Variants in HDAC4 observed in about 807,000 individuals in gnomAD.
HDAC4 encodes histone deacetylase 4.
In HDAC4, 16 loss-of-function variants were observed where a neutral mutation model predicts 135.1. That is an observed-to-expected ratio of 0.12 (90% CI 0.08 to 0.18). The LOEUF (loss-of-function observed/expected upper bound fraction) is 0.18. Ranked by LOEUF, HDAC4 falls within the 10% of genes least tolerant of loss-of-function variation. The pLI is 1.00. For synonymous variants in HDAC4, 685 were observed against 653.4 expected, an observed-to-expected ratio of 1.05 and a Z score of -0.74; for missense variants, 1,143 against 1,511.8, an observed-to-expected ratio of 0.76 and a Z score of 4.05.
At chr2:239,079,743 T>C (rs986337838) in intron 22 of HDAC4, among the ~76,000 whole-genome samples, 2 of 151,940 alleles carry the variant, frequency 1.3e-5, no homozygotes, top group Non-Finnish European at 2.9e-5. Context: ...CATATACAGA[T>C]GTGCACACAC....
chr2:239,381,674 G>C (rs1002650522), intron 1 of HDAC4, among the ~76,000 whole-genome samples: 1 of 152,166 alleles, frequency 6.6e-6, no homozygotes, highest in Non-Finnish European at 1.5e-5. Flanking sequence ...AATGACAAGA[G>C]AGCTTCTCAC....
chr2:239,097,325 C>T (rs999429823), intron 16 of HDAC4, among the ~76,000 whole-genome samples: 4 of 152,216 alleles, frequency 2.6e-5, no homozygotes, highest in Non-Finnish European at 5.9e-5. Flanking sequence ...CTGGCCCTCA[C>T]GCCCACTGAG....
chr2:239,193,956 T>G (rs1358289375), intron 3 of HDAC4, among the ~76,000 whole-genome samples: 5 of 152,194 alleles, frequency 3.3e-5, no homozygotes, highest in Non-Finnish European at 7.3e-5. Flanking sequence ...GAGGCAAAAT[T>G]CAGTGTACTG....
intron 4 of HDAC4, among the ~76,000 whole-genome samples, chr2:239,180,892 C>T (rs950314430): frequency 6.6e-6 from 1 of 152,246 alleles, no homozygotes; most frequent in African/African-American, 2.4e-5. Context: ...TGGTCTTTCC[C>T]GGCCCACCTG....
At position 239,395,393 on chromosome 2, in the gene HDAC4, G is replaced by A. The variant is rs144920506; in HGVS notation, c.-220+5585C>T. ...CTGTAGCAGAGCCCGCTCAGACCCC[G>A]AGGGTCAGTCCCCACCTTGAAGAGC... On this transcript the variant is annotated intron_variant, in intron 1 of 26. Transcript: ENST00000543185. Among the ~76,000 whole-genome samples the A allele has an allele frequency of 4.1e-3, 625 of 152,320 alleles. 5 individuals carry two copies. The highest frequency in any genetic ancestry group is 0.014 in the African/African-American group (563 of 41,566).
chr2:239,236,841 T>C (rs2047916326), intron 2 of HDAC4, among the ~76,000 whole-genome samples, 177 bp from the exon 3 acceptor site: 1 of 87,752 alleles, frequency 1.1e-5, no homozygotes, highest in Non-Finnish European at 2.1e-5. Context: ...CAATGTAGAA[T>C]AATCAAAATA....
chr2:239,159,059 AT>A (rs1227723442), intron 6 of HDAC4, among the ~76,000 whole-genome samples: 2 of 146,684 alleles, frequency 1.4e-5, no homozygotes, highest in African/African-American at 5.1e-5. Context: ...CCATACCTAT[AT>A]CTGCATCTCA....
At chr2:239,385,238 C>A (rs755978909) in intron 1 of HDAC4, among the ~76,000 whole-genome samples, 27 of 152,360 alleles carry the variant, frequency 1.8e-4, no homozygotes, top group Admixed American at 1.1e-3. Flanking sequence ...CAGGAAGAAG[C>A]CTTGCCCTCA....
At chr2:239,221,285 G>C (rs886322613) in intron 3 of HDAC4, among the ~76,000 whole-genome samples, 5 of 152,086 alleles carry the variant, frequency 3.3e-5, no homozygotes, top group African/African-American at 1.2e-4. Context: ...GCACAGGAGC[G>C]GGGGACACCA....
At chr2:239,243,799 C>A (rs556702874) in intron 2 of HDAC4, among the ~76,000 whole-genome samples, 1 of 152,220 alleles carries the variant, frequency 6.6e-6, no homozygotes, top group Non-Finnish European at 1.5e-5. Flanking sequence ...CTGTACTCTG[C>A]ACCCTCCATG....
chr2:239,152,201 T>C (rs542377963), intron 7 of HDAC4, among the ~76,000 whole-genome samples: 9 of 152,252 alleles, frequency 5.9e-5, no homozygotes, highest in Non-Finnish European at 1.3e-4. Context: ...AGCGTGAACA[T>C]GGACTCAAAG....
At chr2:239,397,969 C>G (rs1021217467) in intron 1 of HDAC4, among the ~76,000 whole-genome samples, 1 of 152,206 alleles carries the variant, frequency 6.6e-6, no homozygotes. Flanking sequence ...GACTCCTTAC[C>G]CCAGGACAGA....
intron 2 of HDAC4, among the ~76,000 whole-genome samples, chr2:239,264,123 G>T (rs1455473603): frequency 1.3e-5 from 2 of 152,208 alleles, no homozygotes; most frequent in Non-Finnish European, 2.9e-5. Context: ...GGGAGCTCGT[G>T]GGGAGACGGG....
chr2:239,106,664 C>T (rs2038164061), intron 15 of HDAC4, among the ~76,000 whole-genome samples: 1 of 151,630 alleles, frequency 6.6e-6, no homozygotes, highest in East Asian at 1.9e-4. Context: ...TTATGTATCA[C>T]CAATAAAACT....
At chr2:239,144,341 C>T (rs2041610321) in intron 8 of HDAC4, among the ~76,000 whole-genome samples, 1 of 152,194 alleles carries the variant, frequency 6.6e-6, no homozygotes, top group Non-Finnish European at 1.5e-5. Flanking sequence ...GCACCTCAGC[C>T]CACCTAGAAC....
At chr2:239,249,993 G>A (rs891230815) in intron 2 of HDAC4, among the ~76,000 whole-genome samples, 1 of 152,116 alleles carries the variant, frequency 6.6e-6, no homozygotes, top group Non-Finnish European at 1.5e-5. Flanking sequence ...CTGCTTCCGG[G>A]CCTCCCGCCT....
rs146583761 is a variant in HDAC4, at chr2:239,351,695, C to T, written c.22+983G>A. Reference sequence around the variant, plus strand: ...CCACCCAGGGAAAGATGTGTGTAAGCGTTCCGGCAATCTCAAAGAGAGTGA... The same window carrying T: ...CCACCCAGGGAAAGATGTGTGTAAGTGTTCCGGCAATCTCAAAGAGAGTGA... On this transcript the variant is annotated intron_variant, in intron 2 of 26. Coordinates refer to ENST00000543185, the MANE Select transcript of HDAC4 (RefSeq NM_001378414.1). 2.6e-3 allele frequency: 408 copies of T among 154,508 alleles called. 1 individual carries two copies. Among genetic ancestry groups the T allele is most frequent in the African/African-American group, 9.3e-3 (389 of 41,638 alleles). The allele number at this position is 154,508 out of a possible 1,614,324, so 9.6% of individuals were successfully genotyped here.
At chr2:239,342,912 G>T (rs1041110013) in intron 2 of HDAC4, among the ~76,000 whole-genome samples, 3 of 152,142 alleles carry the variant, frequency 2.0e-5, no homozygotes, top group African/African-American at 7.2e-5. Context: ...TATGGGCTTC[G>T]GTCTCCAAAT....
intron 2 of HDAC4, among the ~76,000 whole-genome samples, chr2:239,247,167 G>C (rs947362192): frequency 6.6e-6 from 1 of 152,208 alleles, no homozygotes; most frequent in Non-Finnish European, 1.5e-5. Flanking sequence ...CCTCGCTGCC[G>C]GGCCACCCGC....
Sources: gnomAD v4.1 joint callset for allele counts (sites outside exome capture counted in the v4.1 genomes callset) on GRCh38, gnomAD v4.1.1 for gene constraint, MANE v1.5 for transcripts, NCBI Gene and HGNC (gene_info 2026-07-23, HGNC 2026-07-21) for gene names.